TEX2: variants seen among roughly 807,000 people sequenced by gnomAD.
TEX2 encodes testis expressed 2, also known as testis-expressed protein 2.
In TEX2, 53 loss-of-function variants were observed where a neutral mutation model predicts 106.9. The ratio of observed to expected loss-of-function variants is 0.50; its 90% CI spans 0.40 to 0.62. The LOEUF is 0.62. Ranked by LOEUF, TEX2 falls within the 20% of genes least tolerant of loss-of-function variation. TEX2 has a pLI of 0.00. For missense variants in TEX2, 1,207 were observed against 1,379.0 expected, an observed-to-expected ratio of 0.88 and a Z score of 1.98; for synonymous variants, 523 against 534.8, an observed-to-expected ratio of 0.98 and a Z score of 0.30.
intron 5 of TEX2, among the ~76,000 whole-genome samples, chr17:64,180,063 T>A (rs1365850272): frequency 6.6e-6 from 1 of 152,230 alleles, no homozygotes; most frequent in Non-Finnish European, 1.5e-5. Context: ...TCAGCTTTTC[T>A]GAGGTTACTG....
chr17:64,148,122 A>G lies in TEX2; in HGVS notation c.*847T>C, dbSNP rs2030148212. The G allele has an allele frequency of 6.6e-6, 1 of 152,634 alleles. No homozygotes were observed. The highest frequency in any genetic ancestry group is 2.1e-4 in the South Asian group (1 of 4,828). The allele number at this position is 152,634 out of a possible 1,614,324, so 9.5% of individuals were successfully genotyped here. ...ATTAACAAACTGTTTCGATTCCCAT[A>G]TAAACCTGGAGGACACAGGAAACGC... On this transcript the variant is annotated 3_prime_UTR_variant, in exon 12 of 12. Transcript: ENST00000584379.
intron 1 of TEX2, among the ~76,000 whole-genome samples, chr17:64,254,249 T>C (rs1318211005): frequency 6.6e-6 from 1 of 152,206 alleles, no homozygotes; most frequent in Non-Finnish European, 1.5e-5. Flanking sequence ...TAAAGGAAGA[T>C]CATGAGTCCC....
intron 1 of TEX2, among the ~76,000 whole-genome samples, chr17:64,247,044 G>A (rs1369261908): frequency 6.6e-6 from 1 of 151,968 alleles, no homozygotes; most frequent in Non-Finnish European, 1.5e-5. Flanking sequence ...TTGGGAGGCT[G>A]AGGTGGGCAG....
At chr17:64,226,342 T>A (rs1182694257) in intron 1 of TEX2, among the ~76,000 whole-genome samples, 1 of 152,200 alleles carries the variant, frequency 6.6e-6, no homozygotes, top group Non-Finnish European at 1.5e-5. Flanking sequence ...CTCAGGAAGT[T>A]GCCAAAGTAG....
intron 4 of TEX2, among the ~76,000 whole-genome samples, chr17:64,191,091 G>A (rs1265230489): frequency 6.6e-6 from 1 of 152,106 alleles, no homozygotes; most frequent in Non-Finnish European, 1.5e-5. Flanking sequence ...ACTTTTGGTG[G>A]CTTAAACTTA....
rs1309035562 is a variant in TEX2, at chr17:64,150,904, C to T, written c.3198G>A (p.Glu1066=). 2 of 1,613,934 alleles carry T rather than the reference C, an allele frequency of 1.2e-6. No homozygotes were observed. The highest frequency in any genetic ancestry group is 1.7e-5 in the Admixed American group (1 of 59,972). The change falls in exon 11 of 12, where the codon GAG becomes GAA. Residue 1066 remains glutamate, a synonymous_variant. Coordinates refer to ENST00000584379, the MANE Select transcript of TEX2 (RefSeq NM_001288732.2). ...VELKARPKLG[E]REVTLVHVTD... is the part of the protein sequence containing the mutation. ...TCACATGAACTAAAGTCACTTCTCT[C>T]TCTCCAAGTTTTGGCCGAGCTTTCA...
chr17:64,163,350 T>C (rs569153273), intron 7 of TEX2, among the ~76,000 whole-genome samples: 1 of 152,168 alleles, frequency 6.6e-6, no homozygotes, highest in East Asian at 1.9e-4. Context: ...CCCAGGGTGA[T>C]TTCAAACTCC....
At chr17:64,178,792 A>C (rs1158933857) in intron 5 of TEX2, among the ~76,000 whole-genome samples, 1 of 151,984 alleles carries the variant, frequency 6.6e-6, no homozygotes, top group Non-Finnish European at 1.5e-5. Context: ...CACACCAGAC[A>C]CTCTCATCAC....
intron 1 of TEX2, among the ~76,000 whole-genome samples, chr17:64,233,955 C>T (rs1555634866): frequency 6.6e-6 from 1 of 152,204 alleles, no homozygotes; most frequent in Non-Finnish European, 1.5e-5. Context: ...CCTAACCCCC[C>T]AACTCAGATC....
chr17:64,162,971 C>T (rs990747705), intron 7 of TEX2, among the ~76,000 whole-genome samples: 1 of 152,152 alleles, frequency 6.6e-6, no homozygotes, highest in Admixed American at 6.5e-5. Flanking sequence ...AGCCATGGAG[C>T]CTGATATCTG....
Position 64,262,474 on chromosome 17 carries a change from T to A in TEX2, c.-26+694A>T, listed in dbSNP as rs576203977. 1.9e-4 allele frequency among the ~76,000 whole-genome samples: 29 copies of A among 152,368 alleles called. No individual in the cohort carries two copies. The South Asian group carries it at 6.0e-3, about 32-fold the overall frequency. ...GCTCTAGGCAGCGTGTGGTGCAATGTGGCCAGCCGTTCCCCGCCTTCTCCG... is the reference window on the plus strand; with the variant it reads ...GCTCTAGGCAGCGTGTGGTGCAATGAGGCCAGCCGTTCCCCGCCTTCTCCG... On this transcript the variant is annotated intron_variant, in intron 1 of 11. Coordinates refer to ENST00000584379, the MANE Select transcript of TEX2 (RefSeq NM_001288732.2).
intron 1 of TEX2, among the ~76,000 whole-genome samples, chr17:64,260,604 C>A (rs910488097): frequency 6.6e-6 from 1 of 152,212 alleles, no homozygotes. Context: ...GGCTATCACA[C>A]CTCCATTAGA....
rs1030746065 is a variant in TEX2, at chr17:64,185,790, C to T, written c.2424+2378G>A. 4.6e-5 allele frequency among the ~76,000 whole-genome samples: 7 copies of T among 152,026 alleles called. No homozygotes were observed. Among genetic ancestry groups the T allele is most frequent in the Non-Finnish European group, 7.4e-5 (5 of 68,006 alleles). On this transcript the variant is annotated intron_variant, in intron 5 of 11. Coordinates refer to ENST00000584379, the MANE Select transcript of TEX2 (RefSeq NM_001288732.2). The surrounding 1 kb of genome is among the most constrained non-coding windows in gnomAD (Gnocchi z 4.0). ...ATACAAAATTAGCCGGACGTGGTAGCGTGTGACTGCAGTCCTGGCTACTCA... is the reference window on the plus strand; with the variant it reads ...ATACAAAATTAGCCGGACGTGGTAGTGTGTGACTGCAGTCCTGGCTACTCA...
At chr17:64,241,667 T>C (rs531211917) in intron 1 of TEX2, among the ~76,000 whole-genome samples, 1 of 152,206 alleles carries the variant, frequency 6.6e-6, no homozygotes, top group South Asian at 2.1e-4. Flanking sequence ...AGGATCTCAC[T>C]CTATCACCCA....
chr17:64,218,328 C>A (rs536831802), intron 1 of TEX2, among the ~76,000 whole-genome samples: 12 of 151,706 alleles, frequency 7.9e-5, no homozygotes, highest in Non-Finnish European at 1.0e-4. Context: ...AAAACAGGAA[C>A]CCCGAGGTAT....
chr17:64,214,304 T>G (rs2033123420), intron 1 of TEX2, 62 bp from the exon 2 acceptor site: 1 of 1,399,184 alleles, frequency 7.1e-7, no homozygotes, highest in Non-Finnish European at 9.8e-7. Flanking sequence ...GACGCTGTCA[T>G]TCGCAGATAG....
At chr17:64,209,799 A>G (rs1158488164) in intron 2 of TEX2, among the ~76,000 whole-genome samples, 1 of 152,206 alleles carries the variant, frequency 6.6e-6, no homozygotes, top group East Asian at 1.9e-4. Context: ...TAATACACCC[A>G]ACACTTAGCC....
At chr17:64,263,046 A>C (rs1180201549) in intron 1 of TEX2, 122 bp downstream of exon 1, 3 of 151,898 alleles carry the variant, frequency 2.0e-5, no homozygotes, top group African/African-American at 7.3e-5. Context: ...GAGCCCCGCC[A>C]CGCCAAGGGC....
intron 7 of TEX2, among the ~76,000 whole-genome samples, chr17:64,169,209 T>C (rs1021333172): frequency 6.6e-6 from 1 of 152,122 alleles, no homozygotes; most frequent in Admixed American, 6.5e-5. Flanking sequence ...CGGCTGACTT[T>C]TGTATTTTTA....
Sources: gnomAD v4.1 joint callset for allele counts (sites outside exome capture counted in the v4.1 genomes callset) on GRCh38, gnomAD v4.1.1 for gene constraint, Gnocchi (gnomAD v3.1) non-coding constraint, MANE v1.5 for transcripts, NCBI Gene and HGNC (gene_info 2026-07-23, HGNC 2026-07-21) for gene names.